Variants in KCTD1 observed in about 807,000 individuals in gnomAD.
KCTD1 encodes the protein BTB/POZ domain-containing protein KCTD1.
A neutral mutation model predicts 66.0 loss-of-function variants in KCTD1; 24 were observed. The ratio of observed to expected loss-of-function variants is 0.36; its 90% CI spans 0.26 to 0.51. KCTD1 has a LOEUF of 0.51. KCTD1 is among the 20% of genes least tolerant of loss of function. The probability of loss-of-function intolerance (pLI) is 0.95; values close to 1 mark genes in which losing one functional copy is unlikely to be tolerated. For synonymous variants in KCTD1, 511 were observed against 517.2 expected, an observed-to-expected ratio of 0.99 and a Z score of 0.16; for missense variants, 943 against 1,205.2, an observed-to-expected ratio of 0.78 and a Z score of 3.22.
chr18:26,578,058 T>C (rs1318384803), intron 1 of KCTD1, among the ~76,000 whole-genome samples: 1 of 30,518 alleles, frequency 3.3e-5, no homozygotes, highest in African/African-American at 1.3e-4. Context: ...CTTTTCTTTC[T>C]TTTTTTTTTT....
upstream of KCTD1, among the ~76,000 whole-genome samples, chr18:26,552,337 T>C (rs112203802): frequency 4.2e-3 from 641 of 152,350 alleles, 4 homozygotes; most frequent in African/African-American, 0.014. Context: ...CTGGATATAG[T>C]TGGTTTTTAT....
intron 1 of KCTD1, among the ~76,000 whole-genome samples, chr18:26,506,549 C>T (rs1983046936): frequency 6.6e-6 from 1 of 152,204 alleles, no homozygotes. Context: ...GTCGCAACCA[C>T]TTATTTTTTT....
At chr18:26,566,165 T>C (rs1192541046) in intron 1 of KCTD1, 1 of 152,218 alleles carries the variant, frequency 6.6e-6, no homozygotes, top group African/African-American at 2.4e-5. Context: ...CAGATAGCTG[T>C]AATCAAATAT....
At chr18:26,643,772 C>G (rs371910019), upstream of KCTD1, among the ~76,000 whole-genome samples, 23 of 152,270 alleles carry the variant, frequency 1.5e-4, no homozygotes, top group South Asian at 3.7e-3. Flanking sequence ...ACCATCCTGG[C>G]TAACACGATG....
At chr18:26,460,466 G>A (rs980350325) in intron 3 of KCTD1, among the ~76,000 whole-genome samples, 1 of 152,184 alleles carries the variant, frequency 6.6e-6, no homozygotes, top group Non-Finnish European at 1.5e-5. Context: ...ACAGAGATAT[G>A]AGGCTAGAGA....
intron 1 of KCTD1, among the ~76,000 whole-genome samples, chr18:26,586,679 A>C (rs759046463): frequency 5.6e-4 from 86 of 152,376 alleles, no homozygotes; most frequent in Non-Finnish European, 1.0e-3. Context: ...ACTCCAGTGA[A>C]CACACAAATA....
intron 2 of KCTD1, among the ~76,000 whole-genome samples, chr18:26,491,198 TG>T (rs1982183000): frequency 6.6e-6 from 1 of 152,104 alleles, no homozygotes; most frequent in Non-Finnish European, 1.5e-5. Flanking sequence ...CGGGGTGTTT[TG>T]GGGTCTACTG....
rs1567960574 is a variant in KCTD1, at chr18:26,476,504, G to A, written c.2133+11C>T. Reference sequence around the variant, plus strand: ...ATTTATGCTATTGGTGATTTAACATGGATCCCTCACCTTGAAATCATCAGG... The same window carrying A: ...ATTTATGCTATTGGTGATTTAACATAGATCCCTCACCTTGAAATCATCAGG... On this transcript the variant is annotated intron_variant, in intron 3 of 4. Coordinates refer to ENST00000580059, the MANE Select transcript of KCTD1 (RefSeq NM_001142730.3). The surrounding 1 kb of genome is among the most constrained non-coding windows in gnomAD (Gnocchi z 4.9). 3 of 1,598,382 alleles carry A rather than the reference G, an allele frequency of 1.9e-6. No homozygotes were observed. Among genetic ancestry groups the A allele is most frequent in the African/African-American group, 1.4e-5 (1 of 74,014 alleles).
chr18:26,495,971 A>G (rs941838119), intron 2 of KCTD1, among the ~76,000 whole-genome samples: 2 of 152,200 alleles, frequency 1.3e-5, no homozygotes, highest in Non-Finnish European at 2.9e-5. Context: ...TTGAAATCAG[A>G]CGTGTTTTCT....
At chr18:26,480,731 C>T (rs1227643822) in intron 2 of KCTD1, among the ~76,000 whole-genome samples, 1 of 152,088 alleles carries the variant, frequency 6.6e-6, no homozygotes, top group Non-Finnish European at 1.5e-5. Context: ...CATGTCACTG[C>T]ACTCCAGCCT....
At chr18:26,627,422 T>A (rs1987527129) in intron 1 of KCTD1, among the ~76,000 whole-genome samples, 1 of 152,160 alleles carries the variant, frequency 6.6e-6, no homozygotes, top group Non-Finnish European at 1.5e-5. Flanking sequence ...TGTACAATTG[T>A]CATTCATTGT....
chr18:26,602,729 G>T (rs577992425), intron 1 of KCTD1, among the ~76,000 whole-genome samples: 39 of 152,000 alleles, frequency 2.6e-4, no homozygotes, highest in African/African-American at 9.2e-4. Context: ...CTTCCTCCTG[G>T]GTTAATAACA....
chr18:26,568,660 T>C (rs956431848), intron 1 of KCTD1, among the ~76,000 whole-genome samples: 2 of 152,082 alleles, frequency 1.3e-5, no homozygotes, highest in Non-Finnish European at 2.9e-5. Flanking sequence ...ATAGTACAAA[T>C]AAAAAATAAA....
intron 2 of KCTD1, among the ~76,000 whole-genome samples, chr18:26,487,741 A>G (rs1410786489): frequency 6.6e-6 from 1 of 152,182 alleles, no homozygotes; most frequent in East Asian, 1.9e-4. Context: ...GTGGTTTATC[A>G]TAGTTCAAAA....
intron 3 of KCTD1, among the ~76,000 whole-genome samples, chr18:26,469,293 G>A (rs146191653): frequency 0.021 from 3,151 of 152,158 alleles, 46 homozygotes; most frequent in Middle Eastern, 0.071. Flanking sequence ...CAGGGAGCAC[G>A]CAAAAGGTGC....
At chr18:26,480,128 G>A (rs1262477630) in intron 2 of KCTD1, among the ~76,000 whole-genome samples, 1 of 147,436 alleles carries the variant, frequency 6.8e-6, no homozygotes, top group Non-Finnish European at 1.5e-5. Context: ...TGTTTTTTAA[G>A]GATGATCATT....
At chr18:26,508,536 C>T (rs1983165732) in intron 1 of KCTD1, among the ~76,000 whole-genome samples, 1 of 152,154 alleles carries the variant, frequency 6.6e-6, no homozygotes, top group Non-Finnish European at 1.5e-5. Flanking sequence ...GACCATATTA[C>T]CTCTTTCACT....
At chr18:26,594,350 G>GGCAAT (rs1327598807) in intron 1 of KCTD1, among the ~76,000 whole-genome samples, 4 of 152,214 alleles carry the variant, frequency 2.6e-5, no homozygotes, top group Non-Finnish European at 5.9e-5. Context: ...TGGCATTTGT[G>GGCAAT]TACAGACTTA....
chr18:26,616,141 C>CTTTTTT (rs11354165), intron 1 of KCTD1, among the ~76,000 whole-genome samples: 9 of 138,096 alleles, frequency 6.5e-5, no homozygotes, highest in East Asian at 2.1e-4. Flanking sequence ...TTAAGTGTTT[C>CTTTTTT]TTTTTTTTTT....
Sources: gnomAD v4.1 joint callset for allele counts (sites outside exome capture counted in the v4.1 genomes callset) on GRCh38, gnomAD v4.1.1 for gene constraint, Gnocchi (gnomAD v3.1) non-coding constraint, MANE v1.5 for transcripts, NCBI Gene and HGNC (gene_info 2026-07-23, HGNC 2026-07-21) for gene names.